Variants in GRIK4 observed in about 807,000 individuals in gnomAD.
GRIK4 encodes the protein glutamate ionotropic receptor kainate type subunit 4.
GRIK4 carries 40 observed loss-of-function variants against 104.9 expected under a neutral mutation model. The ratio of observed to expected loss-of-function variants is 0.38; its 90% CI spans 0.30 to 0.50. GRIK4 has a LOEUF of 0.50. Ranked by LOEUF, GRIK4 falls within the 20% of genes least tolerant of loss-of-function variation. The pLI, the probability that GRIK4 is intolerant of heterozygous loss-of-function variation, is 0.93. For missense variants in GRIK4, 1,047 were observed against 1,308.1 expected, an observed-to-expected ratio of 0.80 and a Z score of 3.08; for synonymous variants, 485 against 524.9, an observed-to-expected ratio of 0.92 and a Z score of 1.04.
At chr11:120,833,787 T>C (rs1006826326) in intron 7 of GRIK4, among the ~76,000 whole-genome samples, 8 of 145,264 alleles carry the variant, frequency 5.5e-5, no homozygotes, top group African/African-American at 2.0e-4. Flanking sequence ...TGTTTTTTTC[T>C]GCTTTACAGA....
rs531534219 is a variant in GRIK4 at position 120,884,185 on chromosome 11, G to A, written c.1164+8942G>A. Among the ~76,000 whole-genome samples, 32 of 152,354 alleles carry A rather than the reference G, an allele frequency of 2.1e-4. No individual in the cohort carries two copies. The South Asian group carries it at 6.4e-3, about 31-fold the overall frequency. On this transcript the variant is annotated intron_variant, in intron 11 of 20. Coordinates refer to ENST00000527524, the MANE Select transcript of GRIK4 (RefSeq NM_014619.5). ...TCAATTTCCTCCTCAGTCAAGCAGG[G>A]ATGGTGATCATCATCATATCTGCTT...
rs374947894 is a variant in GRIK4 at position 120,946,394 on chromosome 11, C to T, written c.1590+5934C>T. Among the ~76,000 whole-genome samples the T allele has an allele frequency of 1.6e-3, 248 of 152,232 alleles. 1 individual carries two copies. Among genetic ancestry groups the T allele is most frequent in the African/African-American group, 5.3e-3 (222 of 41,540 alleles). On this transcript the variant is annotated intron_variant, in intron 14 of 20. Transcript: ENST00000527524. ...AGTTCGTTGTTGCTGGGTGCAGTGGCGCATGCCTGTAATCCCAGCCACTTT... is the reference window on the plus strand; with the variant it reads ...AGTTCGTTGTTGCTGGGTGCAGTGGTGCATGCCTGTAATCCCAGCCACTTT...
rs765133088 is a variant in GRIK4, at chr11:120,836,775, T to C, written c.691-16T>C. Reference sequence around the variant, plus strand: ...TTTTTGTTTTCTTCTCTAATCTCCTTCTCTTCGCCTTGCAGGCAGCCGAAC... The same window carrying C: ...TTTTTGTTTTCTTCTCTAATCTCCTCCTCTTCGCCTTGCAGGCAGCCGAAC... On this transcript the variant is annotated splice_polypyrimidine_tract_variant and intron_variant, in intron 7 of 20. Coordinates refer to ENST00000527524, the MANE Select transcript of GRIK4 (RefSeq NM_014619.5). The C allele has an allele frequency of 2.5e-6, 4 of 1,583,210 alleles. No individual in the cohort carries two copies. Among genetic ancestry groups the C allele is most frequent in the Non-Finnish European group, 3.5e-6 (4 of 1,151,774 alleles).
Position 120,557,300 on chromosome 11 carries a change from G to A in GRIK4, c.-159+45413G>A, listed in dbSNP as rs117984923. ...TCTGCCTGCAGTCTTTCTGCTGCAC[G>A]CTCTAGGTCCGCTGCCTTGGGGGAA... On this transcript the variant is annotated intron_variant, in intron 1 of 20. Transcript: ENST00000527524. Among the ~76,000 whole-genome samples, 723 of 152,248 alleles carry A rather than the reference G, an allele frequency of 4.7e-3. 2 individuals are homozygous for A. Among genetic ancestry groups the A allele is most frequent in the Non-Finnish European group, 8.0e-3 (547 of 68,030 alleles).
At chr11:120,660,501 C>T (rs943870139) in intron 3 of GRIK4, 101 bp downstream of exon 3, 11 of 854,618 alleles carry the variant, frequency 1.3e-5, no homozygotes, top group African/African-American at 8.3e-5. Context: ...CTGCCCAGCC[C>T]GTGCACTGTG....
chr11:120,876,876 A>C (rs11606811), intron 11 of GRIK4, among the ~76,000 whole-genome samples: 5,724 of 152,290 alleles, frequency 0.038, 352 homozygotes, highest in African/African-American at 0.13. Context: ...GTTGTCAAGC[A>C]CCCAAGGTGA....
chr11:120,615,170 A>G (rs1383004632), intron 1 of GRIK4, among the ~76,000 whole-genome samples: 1 of 152,050 alleles, frequency 6.6e-6, no homozygotes, highest in Admixed American at 6.6e-5. Context: ...CTTGTTTGCT[A>G]TTTGAGGCAA....
At chr11:120,614,003 G>A (rs1317815) in intron 1 of GRIK4, among the ~76,000 whole-genome samples, 43,369 of 152,088 alleles carry the variant, frequency 0.29, 6,699 homozygotes, top group Non-Finnish European at 0.31. Flanking sequence ...CTTAACCTTA[G>A]GTTATCAATT....
At chr11:120,828,819 GA>G (rs1456023651) in intron 6 of GRIK4, among the ~76,000 whole-genome samples, 1 of 152,194 alleles carries the variant, frequency 6.6e-6, no homozygotes, top group Non-Finnish European at 1.5e-5. Flanking sequence ...TTGTTTAAAG[GA>G]CAGCAGAACT....
At chr11:120,741,765 T>G (rs965997029) in intron 3 of GRIK4, among the ~76,000 whole-genome samples, 1 of 152,208 alleles carries the variant, frequency 6.6e-6, no homozygotes, top group East Asian at 1.9e-4. Flanking sequence ...CACGCATACA[T>G]GCACAGGCAA....
At chr11:120,683,898 G>T (rs1241409776) in intron 3 of GRIK4, among the ~76,000 whole-genome samples, 1 of 152,234 alleles carries the variant, frequency 6.6e-6, no homozygotes, top group East Asian at 1.9e-4. Flanking sequence ...GTACCCGTTT[G>T]CCAGGCTAGA....
chr11:120,558,238 G>T (rs1350642437), intron 1 of GRIK4, among the ~76,000 whole-genome samples: 1 of 152,072 alleles, frequency 6.6e-6, no homozygotes, highest in Non-Finnish European at 1.5e-5. Context: ...CACATGAAGT[G>T]TCAGTACTAT....
chr11:120,939,982 GAA>G lies in GRIK4; in HGVS notation c.1477-352_1477-351del, dbSNP rs879576274. ...GCGACAGAGGGAGACCCTGTATCCAGAAAAAAAAAAAAAAGTATTGAGAATGC... is the reference window on the plus strand; with the variant it reads ...GCGACAGAGGGAGACCCTGTATCCAGAAAAAAAAAAAAGTATTGAGAATGC... On this transcript the variant is annotated intron_variant, in intron 13 of 20. Coordinates refer to ENST00000527524, the MANE Select transcript of GRIK4 (RefSeq NM_014619.5). The surrounding 1 kb of genome is among the most constrained non-coding windows in gnomAD (Gnocchi z 5.6). 1.5e-5 allele frequency among the ~76,000 whole-genome samples: 2 copies of G among 131,030 alleles called. No individual in the cohort carries two copies. Among genetic ancestry groups the G allele is most frequent in the Non-Finnish European group, 1.7e-5 (1 of 60,294 alleles). 86.0% of individuals were successfully genotyped at this position (131,030 alleles called of 152,430 possible).
intron 1 of GRIK4, among the ~76,000 whole-genome samples, chr11:120,634,018 C>A (rs1364922389): frequency 1.3e-5 from 2 of 152,178 alleles, no homozygotes; most frequent in African/African-American, 4.8e-5. Context: ...AGGTTCAAAT[C>A]CTGTTGTTTC....
intron 11 of GRIK4, among the ~76,000 whole-genome samples, chr11:120,893,300 A>G (rs1279863254): frequency 6.6e-6 from 1 of 152,218 alleles, no homozygotes; most frequent in Non-Finnish European, 1.5e-5. Flanking sequence ...GATACATTCT[A>G]TGTACGTGCA....
chr11:120,973,632 G>A (rs140077945), intron 19 of GRIK4, among the ~76,000 whole-genome samples: 11 of 152,334 alleles, frequency 7.2e-5, no homozygotes, highest in African/African-American at 2.4e-4. Context: ...TACTGTCCCA[G>A]CCATAGCTGC....
chr11:120,874,093 G>C lies in GRIK4; in HGVS notation c.934G>C (p.Val312Leu), dbSNP rs767820637. The change falls in exon 10 of 21, where the codon GTC (valine) becomes CTC (leucine). Residue 312 changes from valine to leucine, a missense_variant. Physicochemically the swap from Val to Leu is conservative, Grantham distance 32. This residue lies in a region of GRIK4 where 447 missense variants were observed against 514.9 expected (regional missense o/e 0.87). Coordinates refer to ENST00000527524, the MANE Select transcript of GRIK4 (RefSeq NM_014619.5). ...ALSSALLFDA[V>L]YAVVTAVQEL... is the part of the protein sequence containing the mutation. ...CTCCTCGGCCCTGCTGTTTGATGCT[G>C]TCTATGCTGTGGTGACTGCGGTGCA... 9.9e-6 allele frequency: 16 copies of C among 1,613,138 alleles called. No homozygotes were observed. The highest frequency in any genetic ancestry group is 1.4e-5 in the Non-Finnish European group (16 of 1,179,398).
intron 3 of GRIK4, among the ~76,000 whole-genome samples, chr11:120,675,131 TA>T (rs1950078454): frequency 5.3e-5 from 8 of 152,284 alleles, no homozygotes; most frequent in Non-Finnish European, 7.3e-5. Flanking sequence ...TGGATGTATG[TA>T]AGTGAAATCA....
chr11:120,583,425 A>G (rs1383668132), intron 1 of GRIK4, among the ~76,000 whole-genome samples: 2 of 152,152 alleles, frequency 1.3e-5, no homozygotes, highest in Non-Finnish European at 2.9e-5. Flanking sequence ...ATCTTTGCCA[A>G]TGCCTATGTC....
Sources: allele counts gnomAD v4.1 joint callset (sites outside exome capture counted in the v4.1 genomes callset), GRCh38; gene constraint gnomAD v4.1.1; regional missense constraint gnomAD v4.1.1; non-coding constraint Gnocchi (gnomAD v3.1); transcripts MANE v1.5; gene names NCBI Gene and HGNC (gene_info 2026-07-23, HGNC 2026-07-21).